Variants in KCND2 observed in about 807,000 individuals in gnomAD.
KCND2 encodes A-type voltage-gated potassium channel KCND2.
KCND2 carries 16 observed loss-of-function variants against 54.4 expected under a neutral mutation model. That is an observed-to-expected ratio of 0.29 (90% CI 0.20 to 0.45). The LOEUF is 0.45. KCND2 is among the 20% of genes least tolerant of loss of function. The probability of loss-of-function intolerance (pLI) is 1.00; values close to 1 mark genes in which losing one functional copy is unlikely to be tolerated. For synonymous variants in KCND2, 317 were observed against 310.7 expected, an observed-to-expected ratio of 1.02 and a Z score of -0.21; for missense variants, 486 against 824.2, an observed-to-expected ratio of 0.59 and a Z score of 5.02.
intron 1 of KCND2, among the ~76,000 whole-genome samples, chr7:120,404,938 A>G (rs1005138036): frequency 1.3e-5 from 2 of 152,178 alleles, no homozygotes; most frequent in Admixed American, 1.3e-4. Context: ...TATAATTACC[A>G]TACACAAGTA....
intron 1 of KCND2, among the ~76,000 whole-genome samples, chr7:120,576,430 T>A (rs1412969830): frequency 6.6e-6 from 1 of 152,250 alleles, no homozygotes. Flanking sequence ...TTGATTCCAT[T>A]GTTTTAATTT....
At chr7:120,428,023 G>A (rs1435308508) in intron 1 of KCND2, among the ~76,000 whole-genome samples, 3 of 151,984 alleles carry the variant, frequency 2.0e-5, no homozygotes, top group Non-Finnish European at 4.4e-5. Context: ...TTGGGGAATA[G>A]GAAAATGTAT....
intron 1 of KCND2, among the ~76,000 whole-genome samples, chr7:120,569,681 A>G (rs1319345046): frequency 2.0e-5 from 3 of 152,192 alleles, no homozygotes; most frequent in African/African-American, 7.2e-5. Flanking sequence ...TGTTACTTAA[A>G]AAAAGCCTGA....
intron 1 of KCND2, among the ~76,000 whole-genome samples, chr7:120,613,104 GTATGATCTGGGAT>G (rs1792977185): frequency 6.8e-6 from 1 of 146,086 alleles, no homozygotes; most frequent in Non-Finnish European, 1.5e-5. Flanking sequence ...TTTTTTTCTG[GTATGATCTGGGAT>G]TAGGGCATGT....
Position 120,531,123 on chromosome 7 carries a change from G to C in KCND2, c.1116-201780G>C, listed in dbSNP as rs553851789. 8.2e-3 allele frequency among the ~76,000 whole-genome samples: 1,247 copies of C among 152,058 alleles called. 17 individuals carry two copies. Among genetic ancestry groups the C allele is most frequent in the African/African-American group, 0.028 (1,164 of 41,478 alleles). On this transcript the variant is annotated intron_variant, in intron 1 of 5. Coordinates refer to ENST00000331113, the MANE Select transcript of KCND2 (RefSeq NM_012281.3). ...GGCCACAGATTTATGTTTCAACACT[G>C]CTCAGAAATCCTACTGTATTTCTCT...
At position 120,651,854 on chromosome 7, in the gene KCND2, T is replaced by G. The variant is rs73721443; in HGVS notation, c.1116-81049T>G. On this transcript the variant is annotated intron_variant, in intron 1 of 5. Transcript: ENST00000331113. ...ATTAAGTATCTCTATTTATTTAAGT[T>G]GGCCTGAAAGGTAAACATCTGATAT... 8.5e-3 allele frequency among the ~76,000 whole-genome samples: 1,294 copies of G among 152,300 alleles called. 24 individuals are homozygous for G. Among genetic ancestry groups the G allele is most frequent in the African/African-American group, 0.03 (1,231 of 41,546 alleles).
chr7:120,504,168 A>G lies in KCND2; in HGVS notation c.1115+228421A>G, dbSNP rs115763146. ...CAAATATATTATAGTGTACAAAAACATAATTTTGGCTCATTCAACACCCTC... is the reference window on the plus strand; with the variant it reads ...CAAATATATTATAGTGTACAAAAACGTAATTTTGGCTCATTCAACACCCTC... On this transcript the variant is annotated intron_variant, in intron 1 of 5. Coordinates refer to ENST00000331113, the MANE Select transcript of KCND2 (RefSeq NM_012281.3). Among the ~76,000 whole-genome samples, 965 of 152,116 alleles carry G rather than the reference A, an allele frequency of 6.3e-3. 9 individuals are homozygous for G. Among genetic ancestry groups the G allele is most frequent in the African/African-American group, 0.021 (890 of 41,550 alleles).
chr7:120,530,112 C>T (rs1439240702), intron 1 of KCND2, among the ~76,000 whole-genome samples: 1 of 152,042 alleles, frequency 6.6e-6, no homozygotes, highest in East Asian at 1.9e-4. Flanking sequence ...ATAAGATGTA[C>T]TGTTCATAGC....
At chr7:120,285,597 A>G (rs1237245837) in intron 1 of KCND2, among the ~76,000 whole-genome samples, 1 of 151,976 alleles carries the variant, frequency 6.6e-6, no homozygotes, top group Non-Finnish European at 1.5e-5. Context: ...TGGAAATTCA[A>G]ATGAATATTT....
chr7:120,451,599 G>A (rs535494384), intron 1 of KCND2, among the ~76,000 whole-genome samples: 21 of 152,206 alleles, frequency 1.4e-4, no homozygotes, highest in Non-Finnish European at 2.8e-4. Flanking sequence ...TAATGACTAC[G>A]GTTTTCGCAG....
At chr7:120,440,412 C>T (rs1259315196) in intron 1 of KCND2, among the ~76,000 whole-genome samples, 1 of 151,966 alleles carries the variant, frequency 6.6e-6, no homozygotes, top group East Asian at 1.9e-4. Context: ...GCATAGGTTG[C>T]AAATATTTTC....
At chr7:120,525,348 AC>A (rs1791759877) in intron 1 of KCND2, among the ~76,000 whole-genome samples, 1 of 152,142 alleles carries the variant, frequency 6.6e-6, no homozygotes, top group African/African-American at 2.4e-5. Flanking sequence ...CATGCAACTT[AC>A]CCGCTTTGAA....
At chr7:120,417,042 C>T (rs772116939) in intron 1 of KCND2, among the ~76,000 whole-genome samples, 11 of 152,130 alleles carry the variant, frequency 7.2e-5, no homozygotes, top group Non-Finnish European at 1.5e-4. Flanking sequence ...GATGGGGCTT[C>T]ACCATGTTGG....
intron 2 of KCND2, chr7:120,740,794 A>G (rs1376053833): frequency 2.2e-6 from 1 of 453,638 alleles, no homozygotes; most frequent in Non-Finnish European, 4.4e-6. Flanking sequence ...GGATAGGCTT[A>G]CTATGTTCTT....
At position 120,695,265 on chromosome 7, in the gene KCND2, A is replaced by ACT. The variant is rs751231651; in HGVS notation, c.1116-37638_1116-37637insCT. On this transcript the variant is annotated intron_variant, in intron 1 of 5. Coordinates refer to ENST00000331113, the MANE Select transcript of KCND2 (RefSeq NM_012281.3). ...TTGATATTTCAATGGCTTGTTTTAT[A>ACT]TATGTATCCCATAAGTTTACTGCCT... 2.0e-3 allele frequency among the ~76,000 whole-genome samples: 300 copies of ACT among 151,774 alleles called. 1 individual carries two copies. Among genetic ancestry groups the ACT allele is most frequent in the Middle Eastern group, 3.5e-3 (1 of 286 alleles).
chr7:120,277,214 A>G (rs1227249117), intron 1 of KCND2, among the ~76,000 whole-genome samples: 2 of 152,114 alleles, frequency 1.3e-5, no homozygotes, highest in Non-Finnish European at 2.9e-5. Flanking sequence ...CTACTGGTAC[A>G]TTTAAAAAAT....
At chr7:120,365,584 G>A (rs1390434614) in intron 1 of KCND2, among the ~76,000 whole-genome samples, 3 of 152,086 alleles carry the variant, frequency 2.0e-5, no homozygotes, top group Non-Finnish European at 4.4e-5. Flanking sequence ...ACAAGCCTGC[G>A]TGCCCCTGAT....
intron 1 of KCND2, among the ~76,000 whole-genome samples, chr7:120,544,619 T>C (rs1792020883): frequency 6.6e-6 from 1 of 151,984 alleles, no homozygotes; most frequent in African/African-American, 2.4e-5. Context: ...TGGTTGATTC[T>C]TAAAAATGTA....
chr7:120,647,335 G>A (rs1793454395), intron 1 of KCND2, among the ~76,000 whole-genome samples: 1 of 152,114 alleles, frequency 6.6e-6, no homozygotes, highest in South Asian at 2.1e-4. Flanking sequence ...GGAGTTATAA[G>A]GATGGAACTT....
Sources: allele counts gnomAD v4.1 joint callset (sites outside exome capture counted in the v4.1 genomes callset), GRCh38; gene constraint gnomAD v4.1.1; transcripts MANE v1.5; gene names NCBI Gene and HGNC (gene_info 2026-07-23, HGNC 2026-07-21).